NUSAP1: variants seen among roughly 807,000 people sequenced by gnomAD.
The protein encoded by NUSAP1 is nucleolar and spindle-associated protein 1.
NUSAP1 carries 32 observed loss-of-function variants against 52.8 expected under a neutral mutation model. That is an observed-to-expected ratio of 0.61 (90% CI 0.46 to 0.81). The LOEUF is 0.81. NUSAP1 is among the 40% of genes least tolerant of loss of function. The pLI is 0.00. For missense variants in NUSAP1, 499 were observed against 522.3 expected, an observed-to-expected ratio of 0.96 and a Z score of 0.43; for synonymous variants, 195 against 183.1, an observed-to-expected ratio of 1.06 and a Z score of -0.52.
rs139480687 is a variant in NUSAP1 at position 41,371,770 on chromosome 15, G to T, written c.1006+86G>T. The T allele has an allele frequency of 1.5e-3, 2,212 of 1,430,078 alleles. 10 individuals carry two copies. The highest frequency in any genetic ancestry group is 3.3e-3 in the African/African-American group (226 of 67,712). 88.6% of individuals were successfully genotyped at this position (1,430,078 alleles called of 1,614,324 possible). ...ATGATTAGGTATATCTGTTTTTTTT[G>T]TTTGTTTGTTTTTTTCTGAGATGGA... On this transcript the variant is annotated intron_variant, in intron 8 of 10. Coordinates refer to ENST00000559596, the MANE Select transcript of NUSAP1 (RefSeq NM_016359.5).
intron 4 of NUSAP1, among the ~76,000 whole-genome samples, chr15:41,351,554 G>A (rs2048780354): frequency 6.6e-6 from 1 of 152,174 alleles, no homozygotes; most frequent in South Asian, 2.1e-4. Flanking sequence ...GGGAAGCCAA[G>A]TCAGGAGGAT....
intron 6 of NUSAP1, among the ~76,000 whole-genome samples, chr15:41,358,625 C>T (rs1409590375): frequency 6.6e-6 from 1 of 152,156 alleles, no homozygotes; most frequent in African/African-American, 2.4e-5. Flanking sequence ...ATCCCATCTA[C>T]TCAGGAGGCT....
chr15:41,368,793 C>A (rs539426102), intron 7 of NUSAP1, among the ~76,000 whole-genome samples: 1 of 130,938 alleles, frequency 7.6e-6, no homozygotes, highest in Non-Finnish European at 1.5e-5. Context: ...AGTGTGGTGG[C>A]GCAATCTCGG....
chr15:41,338,036 G>T (rs566755381), intron 1 of NUSAP1, among the ~76,000 whole-genome samples: 2 of 148,080 alleles, frequency 1.4e-5, no homozygotes, highest in Non-Finnish European at 3.0e-5. Flanking sequence ...AGGTTCAAGC[G>T]ATTCTCCTGC....
At position 41,332,939 on chromosome 15, in the gene NUSAP1, G is replaced by T. The variant is rs1466495431; in HGVS notation, c.-19G>T. The T allele has an allele frequency of 6.3e-7, 1 of 1,587,458 alleles. No individual in the cohort carries two copies. On this transcript the variant is annotated 5_prime_UTR_variant, in exon 1 of 11. Transcript: ENST00000559596. The stretch of plus-strand genomic sequence containing the variant: ...TTTGGTGATCCATCTTCCGAGTATC[G>T]CCGGGATTTCGAATCGCGATGATCA...
rs184653175 is a variant in NUSAP1 at position 41,355,837 on chromosome 15, C to T, written c.449-202C>T. On this transcript the variant is annotated intron_variant, in intron 4 of 10. Coordinates refer to ENST00000559596, the MANE Select transcript of NUSAP1 (RefSeq NM_016359.5). ...GACTACAGGCGCCCACCACCACGCCCGGCTGACTTTTTGTATTTTTAGTAG... is the reference window on the plus strand; with the variant it reads ...GACTACAGGCGCCCACCACCACGCCTGGCTGACTTTTTGTATTTTTAGTAG... 3.8e-3 allele frequency among the ~76,000 whole-genome samples: 581 copies of T among 151,946 alleles called. 2 individuals carry two copies. The highest frequency in any genetic ancestry group is 7.3e-3 in the South Asian group (35 of 4,806).
intron 4 of NUSAP1, among the ~76,000 whole-genome samples, chr15:41,353,029 C>T (rs1045658880): frequency 2.6e-5 from 4 of 152,168 alleles, no homozygotes; most frequent in Non-Finnish European, 5.9e-5. Flanking sequence ...TGGCTAGTCA[C>T]GTTAACTTCC....
chr15:41,374,597 G>A (rs1333387126), intron 8 of NUSAP1, among the ~76,000 whole-genome samples: 3 of 151,890 alleles, frequency 2.0e-5, no homozygotes, highest in Admixed American at 6.6e-5. Context: ...GTGCAATCTC[G>A]GCTCGCTGCA....
At chr15:41,341,196 G>A (rs1185199822) in intron 1 of NUSAP1, among the ~76,000 whole-genome samples, 1 of 152,088 alleles carries the variant, frequency 6.6e-6, no homozygotes, top group Non-Finnish European at 1.5e-5. Context: ...CTCCCAAGTA[G>A]CTGGGACTAC....
chr15:41,343,173 A>AC (rs1368991025), intron 2 of NUSAP1: 1 of 152,216 alleles, frequency 6.6e-6, no homozygotes, highest in Admixed American at 6.6e-5. Context: ...GTTCTGCTGA[A>AC]CTGAGTGTTG....
At chr15:41,339,496 C>T (rs1280578646) in intron 1 of NUSAP1, among the ~76,000 whole-genome samples, 1 of 151,724 alleles carries the variant, frequency 6.6e-6, no homozygotes, top group Non-Finnish European at 1.5e-5. Context: ...CTGCAACCTC[C>T]ACCTCCTGGA....
chr15:41,377,931 A>C (rs966942949), intron 10 of NUSAP1, among the ~76,000 whole-genome samples: 2 of 151,862 alleles, frequency 1.3e-5, no homozygotes, highest in African/African-American at 2.4e-5. Flanking sequence ...CAGAGCTTAC[A>C]GTGAGCCGAG....
At chr15:41,341,025 C>T (rs1263319064) in intron 1 of NUSAP1, among the ~76,000 whole-genome samples, 1 of 152,246 alleles carries the variant, frequency 6.6e-6, no homozygotes, top group South Asian at 2.1e-4. Context: ...AACTGCATGG[C>T]TGGGTGGAAG....
Position 41,365,605 on chromosome 15 carries a change from C to T in NUSAP1, c.848+16C>T, listed in dbSNP as rs1275034378. 9.6e-6 allele frequency: 15 copies of T among 1,568,374 alleles called. No homozygotes were observed. The highest frequency in any genetic ancestry group is 1.7e-4 in the Middle Eastern group (1 of 5,924). On this transcript the variant is annotated intron_variant, in intron 7 of 10. Coordinates refer to ENST00000559596, the MANE Select transcript of NUSAP1 (RefSeq NM_016359.5). ...CGGGTGTCAGGTAAAGAAATCACTC[C>T]AAAATGTAATCATGAACAAGATTTC...
Position 41,371,549 on chromosome 15 carries a change from A to G in NUSAP1, c.871A>G (p.Asn291Asp), listed in dbSNP as rs751289698. Residue 291 changes from asparagine to aspartate, a missense_variant, in exon 8 of 11, where the codon AAT becomes GAT. Coordinates refer to ENST00000559596, the MANE Select transcript of NUSAP1 (RefSeq NM_016359.5). ...GVRFSAATKD[N>D]EHKRSLTKTP... ...TAGGTTTTCAGCTGCTACTAAAGATAATGAGCATAAGCGTTCACTGACCAA... is the reference window on the plus strand; with the variant it reads ...TAGGTTTTCAGCTGCTACTAAAGATGATGAGCATAAGCGTTCACTGACCAA... 1.2e-6 allele frequency: 2 copies of G among 1,602,282 alleles called. No homozygotes were observed. Among genetic ancestry groups the G allele is most frequent in the South Asian group, 2.2e-5 (2 of 89,320 alleles).
chr15:41,379,535 TTTTA>T (rs199905773), intron 10 of NUSAP1, among the ~76,000 whole-genome samples: 2,537 of 152,124 alleles, frequency 0.017, 65 homozygotes, highest in African/African-American at 0.058. Flanking sequence ...CCATGCATGA[TTTTA>T]TTATTTATTT....
intron 1 of NUSAP1, among the ~76,000 whole-genome samples, chr15:41,340,740 A>G (rs773870509): frequency 1.3e-5 from 2 of 152,188 alleles, no homozygotes; most frequent in Non-Finnish European, 2.9e-5. Flanking sequence ...CTTCCCAGAG[A>G]AAACCTCAAG....
At chr15:41,366,713 C>A (rs1461271013) in intron 7 of NUSAP1, among the ~76,000 whole-genome samples, 1 of 152,084 alleles carries the variant, frequency 6.6e-6, no homozygotes, top group Non-Finnish European at 1.5e-5. Flanking sequence ...AATTCTTTTT[C>A]TGGTATTTCA....
chr15:41,365,792 C>T (rs1404660546), intron 7 of NUSAP1: 1 of 269,372 alleles, frequency 3.7e-6, no homozygotes, highest in African/African-American at 2.3e-5. Context: ...GCAATCTCAG[C>T]TCCCTGCAAC....
Sources: gnomAD v4.1 joint callset for allele counts (sites outside exome capture counted in the v4.1 genomes callset) on GRCh38, gnomAD v4.1.1 for gene constraint, MANE v1.5 for transcripts, NCBI Gene and HGNC (gene_info 2026-07-23, HGNC 2026-07-21) for gene names.